The following ADGRL1 variants were observed in gnomAD, a reference collection of about 807,000 sequenced individuals.
ADGRL1 encodes CIRL-1.
In ADGRL1, 31 loss-of-function variants were observed where a neutral mutation model predicts 148.9. The ratio of observed to expected loss-of-function variants is 0.21; its 90% CI spans 0.16 to 0.28. ADGRL1 has a LOEUF of 0.28. ADGRL1 is among the 10% of genes least tolerant of loss of function. The pLI is 1.00. For synonymous variants in ADGRL1, 937 were observed against 900.3 expected (o/e 1.04, Z -0.73); for missense variants, 1,521 against 2,058.8 (o/e 0.74, Z 5.05).
Position 14,152,999 on chromosome 19 carries a change from C to T in ADGRL1, c.3295-87G>A. The T allele has an allele frequency of 2.7e-6, 4 of 1,502,372 alleles. No homozygotes were observed. The highest frequency in any genetic ancestry group is 1.2e-5 in the South Asian group (1 of 82,540). 93.1% of individuals were successfully genotyped at this position (1,502,372 alleles called of 1,614,324 possible). ...ACAGGGCTGGTCACAAGACAGGCAG[C>T]CTTGGGAGGCCGGAGACCGAGCTTC... On this transcript the variant is annotated intron_variant, in intron 18 of 22. Transcript: ENST00000361434. This position sits in a 1 kb window ranked among gnomAD's most constrained non-coding sequence, Gnocchi z 6.1.
intron 3 of ADGRL1, among the ~76,000 whole-genome samples, chr19:14,176,805 C>T (rs1339271875): frequency 6.6e-6 from 1 of 151,608 alleles, no homozygotes; most frequent in African/African-American, 2.4e-5. Context: ...TGCCACTGTG[C>T]TCCAGCCTAG....
In ADGRL1 at chr19:14,160,466, G is replaced by T; in HGVS notation, c.1614+127C>A. ...CCTGCTCCCTTTGTAGGCCAGGGAG[G>T]TGACCCCACAGTCCTGCCTTCCAGA... On this transcript the variant is annotated intron_variant, in intron 7 of 22. Transcript: ENST00000361434. The surrounding 1 kb of genome is among the most constrained non-coding windows in gnomAD (Gnocchi z 5.9). 1.1e-6 allele frequency: 1 copy of T among 913,714 alleles called. No homozygotes were observed. The highest frequency in any genetic ancestry group is 1.6e-6 in the Non-Finnish European group (1 of 611,868). The allele number at this position is 913,714 out of a possible 1,614,324, so 56.6% of individuals were successfully genotyped here.
chr19:14,195,470 G>C lies in ADGRL1; in HGVS notation c.-96+10515C>G, dbSNP rs191731051. Among the ~76,000 whole-genome samples the C allele has an allele frequency of 3.0e-3, 401 of 131,684 alleles. 3 individuals carry two copies. Among genetic ancestry groups the C allele is most frequent in the Admixed American group, 0.018 (226 of 12,688 alleles). The allele number at this position is 131,684 out of a possible 152,430, so 86.4% of individuals were successfully genotyped here. ...GGGTGGGAGTCTGAGTGCCTTGGGT[G>C]GGGGGTGGGGGAACCAAGGTGGGGA... On this transcript the variant is annotated intron_variant, in intron 1 of 22. Transcript: ENST00000361434.
chr19:14,150,319 T>A lies in ADGRL1; in HGVS notation c.*554A>T, dbSNP rs1016342303. 2.0e-5 allele frequency: 3 copies of A among 153,260 alleles called. No homozygotes were observed. The highest frequency in any genetic ancestry group is 7.2e-5 in the African/African-American group (3 of 41,556). 9.5% of individuals were successfully genotyped at this position (153,260 alleles called of 1,614,324 possible). A position where few individuals can be genotyped will look rare whatever the true frequency, so the allele number is the denominator to read the frequency against. ...ACCAGCCACCACCGCCCAGTCCCCC[T>A]GCCCTGCGGCCTTTTCCCAGTCTCC... On this transcript the variant is annotated 3_prime_UTR_variant, in exon 23 of 23. Transcript: ENST00000361434.
intron 1 of ADGRL1, among the ~76,000 whole-genome samples, chr19:14,205,673 C>T (rs1469170341): frequency 1.3e-5 from 2 of 151,498 alleles, no homozygotes; most frequent in Non-Finnish European, 2.9e-5. Context: ...GCACACGCAG[C>T]CACGCGCGGG....
rs764313710 is a variant in ADGRL1 at position 14,151,535 on chromosome 19, G to T, written c.3748C>A (p.Arg1250=). Residue 1250 remains arginine (R), a synonymous_variant, in exon 23 of 23, where the codon CGA becomes AGA. Transcript: ENST00000361434. ...NGNFNNSYSL[R]SGDFPPGDGG... ...TCCCCGGGAGGGAAATCCCCACTTCGCAAGGAGTAACTGTTATTGAAGTTG... is the reference window on the plus strand; with the variant it reads ...TCCCCGGGAGGGAAATCCCCACTTCTCAAGGAGTAACTGTTATTGAAGTTG... 1 of 1,611,080 alleles carries T rather than the reference G, an allele frequency of 6.2e-7. No individual in the cohort carries two copies. Among genetic ancestry groups the T allele is most frequent in the East Asian group, 2.2e-5 (1 of 44,870 alleles).
chr19:14,167,145 C>T, intron 4 of ADGRL1: 1 of 925,406 alleles, frequency 1.1e-6, no homozygotes, highest in Admixed American at 2.1e-5. Flanking sequence ...GCAACACGCC[C>T]CCTTTTCCTT....
rs377618840 is a variant in ADGRL1, at chr19:14,159,596, G to C, written c.1840-12C>G. ...GTCTCCACCACGGCCTGCACAGGCA[G>C]AGGGCATGGTGCTGTGAGCCCCCCA... is the stretch of plus-strand genomic sequence containing the variant. On this transcript the variant is annotated splice_polypyrimidine_tract_variant and intron_variant, in intron 9 of 22. Coordinates refer to ENST00000361434, the MANE Select transcript of ADGRL1 (RefSeq NM_014921.5). The surrounding 1 kb of genome is among the most constrained non-coding windows in gnomAD (Gnocchi z 6.0). 1,564 of 1,594,236 alleles carry C rather than the reference G, an allele frequency of 9.8e-4. 5 individuals carry two copies. Among genetic ancestry groups the C allele is most frequent in the South Asian group, 5.2e-3 (467 of 89,796 alleles).
At chr19:14,189,525 T>C (rs1971800499) in intron 1 of ADGRL1, among the ~76,000 whole-genome samples, 1 of 152,190 alleles carries the variant, frequency 6.6e-6, no homozygotes, top group East Asian at 1.9e-4. Flanking sequence ...CCACCATTCC[T>C]GGCCTTATTT....
Position 14,161,046 on chromosome 19 carries a change from GA to G in ADGRL1, c.1510+265del, listed in dbSNP as rs1299272143. Among the ~76,000 whole-genome samples, 2 of 152,224 alleles carry G rather than the reference GA, an allele frequency of 1.3e-5. No individual in the cohort carries two copies. Among genetic ancestry groups the G allele is most frequent in the Non-Finnish European group, 2.9e-5 (2 of 68,040 alleles). On this transcript the variant is annotated intron_variant, in intron 6 of 22. Transcript: ENST00000361434. The surrounding 1 kb of genome is among the most constrained non-coding windows in gnomAD (Gnocchi z 4.4). ...TTGCACTTCAGCTGGCCATCCATGTGAAGCTGACTGTGCCTGGGGCTGTGGC... is the reference window on the plus strand; with the variant it reads ...TTGCACTTCAGCTGGCCATCCATGTGAGCTGACTGTGCCTGGGGCTGTGGC...
In ADGRL1 at chr19:14,150,620, G is replaced by T; in HGVS notation, c.*253C>A. On this transcript the variant is annotated 3_prime_UTR_variant, in exon 23 of 23. Coordinates refer to ENST00000361434, the MANE Select transcript of ADGRL1 (RefSeq NM_014921.5). The stretch of plus-strand genomic sequence containing the variant: ...CCTCCTCACTCCCCTGGGGTCCTCT[G>T]GGCTCCTCCTCACTACACTTCCCCC... 1.9e-6 allele frequency: 1 copy of T among 528,416 alleles called. No individual in the cohort carries two copies. The highest frequency in any genetic ancestry group is 3.3e-6 in the Non-Finnish European group (1 of 300,968). The allele number at this position is 528,416 out of a possible 1,614,324, so 32.7% of individuals were successfully genotyped here.
chr19:14,170,493 G>A lies in ADGRL1; in HGVS notation c.394+189C>T. 4 of 530,798 alleles carry A rather than the reference G, an allele frequency of 7.5e-6. No homozygotes were observed. In the South Asian group the frequency reaches 8.8e-5, roughly 12 times the overall value. 32.9% of individuals were successfully genotyped at this position (530,798 alleles called of 1,614,324 possible). ...GAGGGGACAGAGTCTGTGAGGCGGG[G>A]GAGCAGGCACTGAGTGTGGACACTG... On this transcript the variant is annotated intron_variant, in intron 4 of 22. Transcript: ENST00000361434.
intron 1 of ADGRL1, among the ~76,000 whole-genome samples, chr19:14,201,794 C>T (rs1972629739): frequency 6.6e-6 from 1 of 152,112 alleles, no homozygotes; most frequent in Admixed American, 6.5e-5. Flanking sequence ...AAGCAAATCA[C>T]AACATCCTCG....
chr19:14,200,596 C>T (rs930761745), intron 1 of ADGRL1, among the ~76,000 whole-genome samples: 1 of 152,124 alleles, frequency 6.6e-6, no homozygotes, highest in Non-Finnish European at 1.5e-5. Context: ...AGTCAGCCAA[C>T]CTCTACTCTA....
chr19:14,175,158 G>A (rs1365898299), intron 3 of ADGRL1, among the ~76,000 whole-genome samples: 1 of 152,130 alleles, frequency 6.6e-6, no homozygotes, highest in Non-Finnish European at 1.5e-5. Flanking sequence ...GTAATTTGAA[G>A]GAAAGGCTGA....
chr19:14,170,560 G>T, intron 4 of ADGRL1, 122 bp downstream of exon 4: 1 of 628,334 alleles, frequency 1.6e-6, no homozygotes, highest in Non-Finnish European at 2.9e-6. Context: ...GAGCAGGCCC[G>T]GCTGTCCCCA....
At chr19:14,172,193 G>A (rs576456141) in intron 3 of ADGRL1, among the ~76,000 whole-genome samples, 8 of 152,240 alleles carry the variant, frequency 5.3e-5, no homozygotes, top group East Asian at 1.9e-4. Flanking sequence ...AGGCCAAGGC[G>A]GGTGGATCAC....
At chr19:14,166,725 C>T (rs1026603623) in intron 4 of ADGRL1, among the ~76,000 whole-genome samples, 2 of 151,914 alleles carry the variant, frequency 1.3e-5, no homozygotes, top group East Asian at 1.9e-4. Context: ...CCAGGTCCCC[C>T]GAAAGGGCCA....
chr19:14,155,331 G>A lies in ADGRL1; in HGVS notation c.3294+28C>T. 6.2e-7 allele frequency: 1 copy of A among 1,609,478 alleles called. No homozygotes were observed. The highest frequency in any genetic ancestry group is 8.5e-7 in the Non-Finnish European group (1 of 1,176,852). On this transcript the variant is annotated intron_variant, in intron 18 of 22. Transcript: ENST00000361434. The surrounding 1 kb of genome is among the most constrained non-coding windows in gnomAD (Gnocchi z 5.0). Reference sequence around the variant, plus strand: ...CCAGGAAACGTCTCCAAGGGAGGCTGTGACCCAGGACCCCGCCTCGACCTC... The same window carrying A: ...CCAGGAAACGTCTCCAAGGGAGGCTATGACCCAGGACCCCGCCTCGACCTC...
Sources: gnomAD v4.1 joint callset for allele counts (sites outside exome capture counted in the v4.1 genomes callset) on GRCh38, gnomAD v4.1.1 for gene constraint, Gnocchi (gnomAD v3.1) non-coding constraint, MANE v1.5 for transcripts, NCBI Gene and HGNC (gene_info 2026-07-23, HGNC 2026-07-21) for gene names.